Variants in BNIP2 observed in about 807,000 individuals in gnomAD.
BNIP2 encodes BCL2 interacting protein 2.
A neutral mutation model predicts 43.4 loss-of-function variants in BNIP2; 36 were observed. That is an observed-to-expected ratio of 0.83 (90% confidence interval 0.64 to 1.10). The LOEUF is 1.10. Ranked by LOEUF, BNIP2 falls within the 50% of genes least tolerant of loss-of-function variation. The pLI, the probability that BNIP2 is intolerant of heterozygous loss-of-function variation, is 0.00. For missense variants in BNIP2, 417 were observed against 374.1 expected, an observed-to-expected ratio of 1.11 and a Z score of -0.95; for synonymous variants, 146 against 121.0, an observed-to-expected ratio of 1.21 and a Z score of -1.35.
At position 59,660,936 on chromosome 15, in the gene BNIP2, C is replaced by A. The variant is rs1892226549; in HGVS notation, c.*3133G>T. On this transcript the variant is annotated 3_prime_UTR_variant, in exon 10 of 10. Coordinates refer to ENST00000607373, the MANE Select transcript of BNIP2 (RefSeq NM_004330.4). ...TGGGTATGTATTATCAACTTTTCCC[C>A]CTTCAATCCACAGTCTTTATTCACA... The A allele has an allele frequency of 6.6e-6, 1 of 152,140 alleles. No homozygotes were observed. The allele number at this position is 152,140 out of a possible 1,614,324, so 9.4% of individuals were successfully genotyped here. A position where few individuals can be genotyped will look rare whatever the true frequency, so the allele number is the denominator to read the frequency against.
rs758358544 is a variant in BNIP2 at position 59,688,834 on chromosome 15, G to A, written c.-58+301C>T. On this transcript the variant is annotated intron_variant, in intron 1 of 9. Coordinates refer to ENST00000607373, the MANE Select transcript of BNIP2 (RefSeq NM_004330.4). ...CACCCACACCAGGGTAAAAGGGTGG[G>A]GGAGCGGAGGAGGGGCAAGGTTCCA... is the stretch of plus-strand genomic sequence containing the variant. The A allele has an allele frequency of 2.0e-5, 30 of 1,530,960 alleles. No individual in the cohort carries two copies. In the South Asian group the frequency reaches 3.6e-4, roughly 18 times the overall value. The allele number at this position is 1,530,960 out of a possible 1,614,324, so 94.8% of individuals were successfully genotyped here. A position where few individuals can be genotyped will look rare whatever the true frequency, so the allele number is the denominator to read the frequency against.
chr15:59,669,577 C>T (rs905091283), intron 7 of BNIP2, among the ~76,000 whole-genome samples: 7 of 152,210 alleles, frequency 4.6e-5, no homozygotes, highest in African/African-American at 9.7e-5. Context: ...GCCAGATTTA[C>T]GTCCACAGTA....
chr15:59,676,245 C>G (rs538584534), intron 5 of BNIP2, among the ~76,000 whole-genome samples: 1 of 152,222 alleles, frequency 6.6e-6, no homozygotes, highest in Non-Finnish European at 1.5e-5. Flanking sequence ...ATCACGGCCA[C>G]TGAAGCCTCA....
intron 9 of BNIP2, among the ~76,000 whole-genome samples, chr15:59,664,903 C>T (rs890806578): frequency 6.6e-6 from 1 of 152,192 alleles, no homozygotes; most frequent in Non-Finnish European, 1.5e-5. Context: ...CATAATTATT[C>T]TCCAAAACTT....
chr15:59,677,079 G>C, intron 5 of BNIP2: 1 of 1,610,738 alleles, frequency 6.2e-7, no homozygotes. Flanking sequence ...TTCAGGCTAA[G>C]AAAGCACTAC....
chr15:59,678,059 T>G lies in BNIP2; in HGVS notation c.324A>C (p.Glu108Asp). ...EDDLPKPKTT[E>D]VIRKGSITEY... ...CAGTAATTGAGCCTTTCCTAATTAC[T>G]TCAGTAGTCTTGGGTTTTGGAAGAT... The change falls in exon 5 of 10, where the codon GAA becomes GAC. Residue 108 changes from glutamate (E) to aspartate (D), a missense_variant. Transcript: ENST00000607373. 6 of 1,609,910 alleles carry G rather than the reference T, an allele frequency of 3.7e-6. No individual in the cohort carries two copies. The highest frequency in any genetic ancestry group is 5.1e-6 in the Non-Finnish European group (6 of 1,178,948).
intron 5 of BNIP2, among the ~76,000 whole-genome samples, chr15:59,676,165 A>T (rs1312467224): frequency 6.6e-6 from 1 of 151,900 alleles, no homozygotes; most frequent in Non-Finnish European, 1.5e-5. Context: ...GAGACAGTTT[A>T]AAAAATTTTT....
At chr15:59,665,128 G>A (rs1242373030) in intron 9 of BNIP2, among the ~76,000 whole-genome samples, 1 of 152,042 alleles carries the variant, frequency 6.6e-6, no homozygotes, top group African/African-American at 2.4e-5. Context: ...GCCAGGTGTG[G>A]TGGTACGCGT....
At chr15:59,665,623 A>C (rs1366279021) in intron 9 of BNIP2, among the ~76,000 whole-genome samples, 2 of 152,134 alleles carry the variant, frequency 1.3e-5, no homozygotes, top group African/African-American at 2.4e-5. Flanking sequence ...AAAACAAAAC[A>C]AAAACCCATC....
chr15:59,669,167 A>T (rs1442475039), intron 8 of BNIP2, 109 bp downstream of exon 8: 6 of 1,002,236 alleles, frequency 6.0e-6, no homozygotes, highest in African/African-American at 3.3e-5. Context: ...ATGTATACAC[A>T]TATCAAAATA....
rs751648014 is a variant in BNIP2, at chr15:59,671,330, T to C, written c.576-16A>G. On this transcript the variant is annotated splice_polypyrimidine_tract_variant and intron_variant, in intron 6 of 9. Transcript: ENST00000607373. Reference sequence around the variant, plus strand: ...AATAACATATCTGTAAAAAACAAATTAAGTTTAAGCCTTAAAAATCACTGT... The same window carrying C: ...AATAACATATCTGTAAAAAACAAATCAAGTTTAAGCCTTAAAAATCACTGT... The C allele has an allele frequency of 1.9e-6, 3 of 1,571,276 alleles. No homozygotes were observed. Among genetic ancestry groups the C allele is most frequent in the South Asian group, 2.3e-5 (2 of 86,174 alleles).
Position 59,689,217 on chromosome 15 carries a change from G to A in BNIP2, c.-140C>T, listed in dbSNP as rs1453121915. 6.5e-7 allele frequency: 1 copy of A among 1,540,814 alleles called. No homozygotes were observed. Among genetic ancestry groups the A allele is most frequent in the South Asian group, 1.2e-5 (1 of 83,998 alleles). On this transcript the variant is annotated 5_prime_UTR_variant, in exon 1 of 10. Coordinates refer to ENST00000607373, the MANE Select transcript of BNIP2 (RefSeq NM_004330.4). The stretch of plus-strand genomic sequence containing the variant: ...GCTGACGGCCAGGTCGCAAAAAGCA[G>A]GGCCGAGCGGAGCCCGCTCCCCTCG...
Position 59,679,663 on chromosome 15 carries a change from T to C in BNIP2, c.224A>G (p.Asp75Gly), listed in dbSNP as rs375898460. Residue 75 changes from aspartate (D) to glycine (G), a missense_variant, in exon 4 of 10, where the codon GAT becomes GGT. Physicochemically the swap from Asp to Gly is moderately conservative, Grantham distance 94 (BLOSUM62 -1). Transcript: ENST00000607373. The part of the protein sequence containing the change: ...SDGSVLSDDL[D>G]ESGEIDLDGL... Reference sequence around the variant, plus strand: ...ATCTAAGTCAATCTCCCCACTTTCATCCAAATCATCTGACAATACAGAGCC... The same window carrying C: ...ATCTAAGTCAATCTCCCCACTTTCACCCAAATCATCTGACAATACAGAGCC... 1.1e-5 allele frequency: 17 copies of C among 1,613,132 alleles called. 1 individual carries two copies. The African/African-American group carries it at 2.1e-4, about 20-fold the overall frequency.
chr15:59,688,215 T>G (rs1281451050), intron 1 of BNIP2, among the ~76,000 whole-genome samples: 1 of 152,196 alleles, frequency 6.6e-6, no homozygotes, highest in African/African-American at 2.4e-5. Context: ...AAGAAACTAG[T>G]CTGCAGGGGT....
At chr15:59,679,232 C>A (rs1893497934) in intron 4 of BNIP2, 1 of 183,154 alleles carries the variant, frequency 5.5e-6, no homozygotes, top group Non-Finnish European at 1.1e-5. Flanking sequence ...CAATGTCAGG[C>A]AAACCTACTT....
intron 5 of BNIP2, 40 bp from the exon 6 acceptor site, chr15:59,672,779 T>C (rs1442316739): frequency 1.3e-6 from 2 of 1,486,640 alleles, no homozygotes; most frequent in African/African-American, 1.4e-5. Context: ...AGCACGATTT[T>C]ACTCTTAGGC....
intron 9 of BNIP2, among the ~76,000 whole-genome samples, chr15:59,668,442 C>A (rs185287701): frequency 6.6e-6 from 1 of 152,244 alleles, no homozygotes; most frequent in East Asian, 1.9e-4. Context: ...ATAATCAGAA[C>A]AGAATTTCAG....
chr15:59,675,163 C>T (rs542872603), intron 5 of BNIP2, among the ~76,000 whole-genome samples: 12 of 151,092 alleles, frequency 7.9e-5, no homozygotes, highest in Admixed American at 1.3e-4. Flanking sequence ...GCTGGCGTAT[C>T]GCTTGAGCCT....
intron 4 of BNIP2, chr15:59,679,359 G>A (rs148397733): frequency 1.1e-5 from 4 of 369,086 alleles, no homozygotes. Context: ...TAATTATCAA[G>A]AAATATTTTT....
Sources: allele counts gnomAD v4.1 joint callset (sites outside exome capture counted in the v4.1 genomes callset), GRCh38; gene constraint gnomAD v4.1.1; transcripts MANE v1.5; gene names NCBI Gene and HGNC (gene_info 2026-07-23, HGNC 2026-07-21).